MYMX: variants seen among roughly 807,000 people sequenced by gnomAD.
MYMX encodes protein myomixer.
At chr6:44,198,154 CTTTTTTTT>C in the MYMX span, among the ~76,000 whole-genome samples, 61 of 79,778 alleles carry the variant, frequency 7.6e-4, no homozygotes, top group African/African-American at 2.9e-3. Flanking sequence ...CCAAATTCCT[CTTTTTTTT>C]TTTTTTTTTT....
chr6:44,200,862 G>A, the MYMX span, among the ~76,000 whole-genome samples: 2 of 152,130 alleles, frequency 1.3e-5, no homozygotes, highest in Non-Finnish European at 2.9e-5. Context: ...TGAGTGGGGG[G>A]TGGGGGGCAG....
upstream of MYMX, among the ~76,000 whole-genome samples, chr6:44,213,669 C>A (rs1276832975): frequency 6.6e-6 from 1 of 152,198 alleles, no homozygotes; most frequent in Non-Finnish European, 1.5e-5. Context: ...ATCTGCCCGC[C>A]TTGGCCTCCC....
At chr6:44,215,086 GGTAAGT>G (rs1255962652), upstream of MYMX, among the ~76,000 whole-genome samples, 31 of 152,252 alleles carry the variant, frequency 2.0e-4, no homozygotes, top group African/African-American at 6.5e-4. Flanking sequence ...TTTTTGACCT[GGTAAGT>G]TTTCTTTCTT....
upstream of MYMX, among the ~76,000 whole-genome samples, chr6:44,215,803 G>A (rs902720246): frequency 2.0e-5 from 3 of 151,600 alleles, no homozygotes; most frequent in Non-Finnish European, 4.4e-5. Flanking sequence ...GCTGAGGCAG[G>A]AGAATCGCTT....
At chr6:44,213,614 G>C (rs1167935255), upstream of MYMX, among the ~76,000 whole-genome samples, 1 of 151,896 alleles carries the variant, frequency 6.6e-6, no homozygotes, top group Non-Finnish European at 1.5e-5. Flanking sequence ...TAGAGACAGG[G>C]TTTCATCATA....
the MYMX span, among the ~76,000 whole-genome samples, chr6:44,210,600 A>T: frequency 6.6e-6 from 1 of 152,154 alleles, no homozygotes; most frequent in Non-Finnish European, 1.5e-5. Context: ...ATTATGTTTT[A>T]TAATATGTCT....
the MYMX span, among the ~76,000 whole-genome samples, chr6:44,199,153 T>C: frequency 2.5e-4 from 38 of 152,278 alleles, no homozygotes; most frequent in Non-Finnish European, 4.4e-5. Context: ...ATTGGCCAGA[T>C]TGGTATCTAT....
At chr6:44,206,161 C>T in the MYMX span, among the ~76,000 whole-genome samples, 1 of 151,880 alleles carries the variant, frequency 6.6e-6, no homozygotes, top group African/African-American at 2.4e-5. Flanking sequence ...TCTCTGCCTG[C>T]AGGGTATGGT....
At chr6:44,213,291 C>A (rs1200653668), upstream of MYMX, among the ~76,000 whole-genome samples, 2 of 151,504 alleles carry the variant, frequency 1.3e-5, no homozygotes, top group Non-Finnish European at 2.9e-5. Context: ...GAGGCTGAGG[C>A]AGGAGAATCG....
upstream of MYMX, among the ~76,000 whole-genome samples, chr6:44,216,578 G>C (rs933994028): frequency 1.3e-5 from 2 of 150,038 alleles, no homozygotes; most frequent in African/African-American, 4.9e-5. Context: ...CTTGAACCCA[G>C]GAGGCAGAGG....
rs920968875 is a variant in MYMX at position 44,217,999 on chromosome 6, G to T, written c.*273G>T. Reference sequence around the variant, plus strand: ...CTCCTAATCACCTCTGGCCTCAGGCGGGAGGGGAACTAACACCCACCCACC... The same window carrying T: ...CTCCTAATCACCTCTGGCCTCAGGCTGGAGGGGAACTAACACCCACCCACC... On this transcript the variant is annotated 3_prime_UTR_variant, in exon 2 of 2. Transcript: ENST00000573382. The T allele has an allele frequency of 2.8e-5, 9 of 317,630 alleles. No homozygotes were observed. Among genetic ancestry groups the T allele is most frequent in the African/African-American group, 4.3e-5 (2 of 46,966 alleles). The allele number at this position is 317,630 out of a possible 1,614,324, so 19.7% of individuals were successfully genotyped here.
At chr6:44,206,840 T>G in the MYMX span, among the ~76,000 whole-genome samples, 1 of 152,158 alleles carries the variant, frequency 6.6e-6, no homozygotes, top group African/African-American at 2.4e-5. Flanking sequence ...AGTGTTGGCT[T>G]GCATCAGGCA....
upstream of MYMX, among the ~76,000 whole-genome samples, chr6:44,213,894 T>C (rs1208217348): frequency 1.3e-5 from 2 of 152,246 alleles, no homozygotes; most frequent in African/African-American, 4.8e-5. Flanking sequence ...CACTGCAACC[T>C]TGAACTCCTG....
At chr6:44,193,938 C>T in the MYMX span, among the ~76,000 whole-genome samples, 101 of 152,160 alleles carry the variant, frequency 6.6e-4, no homozygotes, top group African/African-American at 2.1e-3. Flanking sequence ...GAACTGAGAT[C>T]GTGCCCTTGC....
At chr6:44,210,495 G>C in the MYMX span, among the ~76,000 whole-genome samples, 1 of 151,860 alleles carries the variant, frequency 6.6e-6, no homozygotes, top group Non-Finnish European at 1.5e-5. Flanking sequence ...ATGTTGCCCA[G>C]GGTGGTCTCC....
chr6:44,213,496 A>G (rs1315854524), upstream of MYMX, among the ~76,000 whole-genome samples: 1 of 150,190 alleles, frequency 6.7e-6, no homozygotes, highest in Non-Finnish European at 1.5e-5. Flanking sequence ...ATCTCCACTC[A>G]CTGCAACCTC....
chr6:44,200,458 G>A, the MYMX span, among the ~76,000 whole-genome samples: 1 of 152,196 alleles, frequency 6.6e-6, no homozygotes, highest in East Asian at 1.9e-4. Flanking sequence ...GGGACTACAG[G>A]CGCCTGCCAC....
chr6:44,214,479 G>C (rs1212477570), upstream of MYMX, among the ~76,000 whole-genome samples: 2 of 152,202 alleles, frequency 1.3e-5, no homozygotes, highest in East Asian at 1.9e-4. Flanking sequence ...CCGCTGTGAG[G>C]CTTTAGGTGA....
chr6:44,211,153 A>T, the MYMX span, among the ~76,000 whole-genome samples: 1 of 152,250 alleles, frequency 6.6e-6, no homozygotes, highest in Non-Finnish European at 1.5e-5. Context: ...TCTAGAAATT[A>T]TAAAATGATG....
Sources: gnomAD v4.1 joint callset for allele counts (sites outside exome capture counted in the v4.1 genomes callset) on GRCh38, gnomAD v4.1.1 for gene constraint, MANE v1.5 for transcripts, NCBI Gene and HGNC (gene_info 2026-07-23, HGNC 2026-07-21) for gene names.